Variants in MARCHF1 observed in about 807,000 individuals in gnomAD.
MARCHF1 encodes E3 ubiquitin-protein ligase MARCHF1.
Under a neutral mutation model 54.2 loss-of-function variants are expected in MARCHF1, and 40 were observed. The ratio of observed to expected loss-of-function variants is 0.74; its 90% CI spans 0.57 to 0.96. The LOEUF (loss-of-function observed/expected upper bound fraction) is 0.96, where lower values mean the gene tolerates loss of function less well. Among genes scored for constraint, MARCHF1 ranks in the 40% least tolerant of loss-of-function variants. The pLI is 0.00. For synonymous variants in MARCHF1, 236 were observed against 236.3 expected, an observed-to-expected ratio of 1.00 and a Z score of 0.01; for missense variants, 586 against 656.5, an observed-to-expected ratio of 0.89 and a Z score of 1.17.
chr4:163,631,591 C>T (rs1296143893), intron 5 of MARCHF1, among the ~76,000 whole-genome samples: 1 of 141,888 alleles, frequency 7.0e-6, no homozygotes, highest in East Asian at 2.0e-4. Flanking sequence ...TATCTGTATA[C>T]CTCTTCTGCA....
rs112438765 is a variant in MARCHF1, at chr4:163,839,548, G to A, written c.111+14473C>T. On this transcript the variant is annotated intron_variant, in intron 4 of 9. Coordinates refer to ENST00000514618, the MANE Select transcript of MARCHF1 (RefSeq NM_001394959.1). Reference sequence around the variant, plus strand: ...ACAACAAAATGAAGTTTTGACACATGCTACAACATGGATGAACCTCAAAAA... The same window carrying A: ...ACAACAAAATGAAGTTTTGACACATACTACAACATGGATGAACCTCAAAAA... Among the ~76,000 whole-genome samples the A allele has an allele frequency of 9.0e-3, 1,369 of 152,192 alleles. 11 individuals carry two copies. The highest frequency in any genetic ancestry group is 0.016 in the Non-Finnish European group (1,077 of 67,966).
intron 1 of MARCHF1, among the ~76,000 whole-genome samples, chr4:164,262,564 T>C (rs988719085): frequency 2.6e-5 from 4 of 152,318 alleles, no homozygotes; most frequent in Non-Finnish European, 2.9e-5. Flanking sequence ...CTCAATTATA[T>C]TCAGAATTAC....
chr4:163,698,794 G>A lies in MARCHF1; in HGVS notation c.162+2019C>T, dbSNP rs140549839. Among the ~76,000 whole-genome samples the A allele has an allele frequency of 7.6e-4, 116 of 152,252 alleles. 1 individual carries two copies. The highest frequency in any genetic ancestry group is 2.7e-3 in the African/African-American group (111 of 41,558). ...AAACAGTATTTGGTGTGACAAAGGC[G>A]TTGTCAGTACTGTTTACAAGTTTTT... On this transcript the variant is annotated intron_variant, in intron 5 of 9. Coordinates refer to ENST00000514618, the MANE Select transcript of MARCHF1 (RefSeq NM_001394959.1).
intron 3 of MARCHF1, among the ~76,000 whole-genome samples, chr4:163,888,048 A>T (rs1184607141): frequency 6.6e-6 from 1 of 152,200 alleles, no homozygotes; most frequent in African/African-American, 2.4e-5. Context: ...GAAAGTACTG[A>T]CTTAAAAATT....
At chr4:164,128,904 C>T (rs1297237068) in intron 1 of MARCHF1, among the ~76,000 whole-genome samples, 13 of 152,190 alleles carry the variant, frequency 8.5e-5, no homozygotes, top group Non-Finnish European at 7.3e-5. Context: ...ACTAAGCCAA[C>T]ACCCCAAGAG....
chr4:163,525,964 C>T lies in MARCHF1; in HGVS notation c.*2784G>A, dbSNP rs1200521299. 1 of 152,020 alleles carries T rather than the reference C, an allele frequency of 6.6e-6. No individual in the cohort carries two copies. Among genetic ancestry groups the T allele is most frequent in the Non-Finnish European group, 1.5e-5 (1 of 67,952 alleles). 9.4% of individuals were successfully genotyped at this position (152,020 alleles called of 1,614,324 possible). On this transcript the variant is annotated 3_prime_UTR_variant, in exon 10 of 10. Transcript: ENST00000514618. The stretch of plus-strand genomic sequence containing the variant: ...GATGTTTGAACCATAAACAAACAAC[C>T]ATTGCTGAAAAGCTTCTTAAAAGCT...
intron 1 of MARCHF1, among the ~76,000 whole-genome samples, chr4:164,220,170 TGA>T (rs975574673): frequency 3.3e-5 from 5 of 151,264 alleles, no homozygotes; most frequent in African/African-American, 1.2e-4. Context: ...CATATTTGTG[TGA>T]GATTTACATA....
intron 1 of MARCHF1, among the ~76,000 whole-genome samples, chr4:164,245,304 C>CGCAAAT (rs1732911516): frequency 1.4e-5 from 2 of 147,956 alleles, no homozygotes; most frequent in Admixed American, 6.7e-5. Flanking sequence ...CTGGTTCAAA[C>CGCAAAT]CAATAAACGT....
intron 8 of MARCHF1, among the ~76,000 whole-genome samples, chr4:163,559,119 T>C (rs995463180): frequency 1.3e-5 from 2 of 152,230 alleles, no homozygotes; most frequent in African/African-American, 4.8e-5. Flanking sequence ...TTAAAACCTA[T>C]TTCTATGTCT....
At chr4:163,929,980 TAA>T (rs1491219547) in intron 3 of MARCHF1, among the ~76,000 whole-genome samples, 12 of 130,502 alleles carry the variant, frequency 9.2e-5, no homozygotes, top group African/African-American at 1.4e-4. Context: ...ATAATATATA[TAA>T]TATATATATA....
At chr4:164,143,143 G>A (rs903195679) in intron 1 of MARCHF1, among the ~76,000 whole-genome samples, 10 of 150,514 alleles carry the variant, frequency 6.6e-5, no homozygotes, top group Admixed American at 1.3e-4. Flanking sequence ...AAAGAAATGA[G>A]CAAAGCCTCC....
intron 4 of MARCHF1, among the ~76,000 whole-genome samples, chr4:163,810,812 A>T (rs575310876): frequency 1.1e-4 from 16 of 152,296 alleles, no homozygotes; most frequent in African/African-American, 3.8e-4. Flanking sequence ...ATGTAACTTC[A>T]TCCATAGTCA....
chr4:164,129,256 G>A (rs1434345687), intron 1 of MARCHF1, among the ~76,000 whole-genome samples: 2 of 152,194 alleles, frequency 1.3e-5, no homozygotes, highest in East Asian at 1.9e-4. Flanking sequence ...CCTCAAATGC[G>A]ATTTGTCGTT....
At chr4:163,593,922 T>TATA (rs1352366800) in intron 7 of MARCHF1, among the ~76,000 whole-genome samples, 7 of 152,220 alleles carry the variant, frequency 4.6e-5, no homozygotes, top group Non-Finnish European at 8.8e-5. Flanking sequence ...TGCTTATGTA[T>TATA]ATATGCAAGG....
chr4:163,932,867 C>G (rs543044659), intron 3 of MARCHF1: 3 of 629,846 alleles, frequency 4.8e-6, no homozygotes, highest in Non-Finnish European at 9.3e-6. Flanking sequence ...GTGGGGTCTT[C>G]TATCTGAAAA....
At chr4:164,041,617 A>G (rs1474648141) in intron 2 of MARCHF1, among the ~76,000 whole-genome samples, 1 of 152,120 alleles carries the variant, frequency 6.6e-6, no homozygotes, top group Non-Finnish European at 1.5e-5. Context: ...CATTCTCCCA[A>G]TTAGCTAGAG....
intron 3 of MARCHF1, among the ~76,000 whole-genome samples, chr4:163,866,317 A>G (rs1468255260): frequency 6.6e-6 from 1 of 151,024 alleles, no homozygotes; most frequent in Non-Finnish European, 1.5e-5. Flanking sequence ...TGTATTATAT[A>G]CCAAGAGTCA....
intron 1 of MARCHF1, among the ~76,000 whole-genome samples, chr4:164,222,317 T>C (rs975058026): frequency 6.6e-6 from 1 of 151,938 alleles, no homozygotes; most frequent in East Asian, 1.9e-4. Flanking sequence ...TTGTTTCTTA[T>C]GTTTTAGGCA....
intron 2 of MARCHF1, among the ~76,000 whole-genome samples, chr4:163,991,328 T>C (rs1284379984): frequency 1.3e-5 from 2 of 152,174 alleles, no homozygotes; most frequent in Admixed American, 1.3e-4. Context: ...GGGAAAAACA[T>C]GCTTTTAATA....
Sources: gnomAD v4.1 joint callset for allele counts (sites outside exome capture counted in the v4.1 genomes callset) on GRCh38, gnomAD v4.1.1 for gene constraint, MANE v1.5 for transcripts, NCBI Gene and HGNC (gene_info 2026-07-23, HGNC 2026-07-21) for gene names.